NGF: variants seen among roughly 807,000 people sequenced by gnomAD.
NGF encodes nerve growth factor.
NGF carries 4 observed loss-of-function variants against 12.8 expected under a neutral mutation model. The observed-to-expected ratio is 0.31, with a 90% CI of 0.15 to 0.72. The LOEUF (loss-of-function observed/expected upper bound fraction) is 0.72. NGF is among the 30% of genes least tolerant of loss of function. The pLI is 0.69. For missense variants in NGF, 283 were observed against 330.8 expected (o/e 0.86, Z 1.12); for synonymous variants, 140 against 130.0 (o/e 1.08, Z -0.52).
At chr1:115,313,175 T>C (rs1654378686) in intron 1 of NGF, among the ~76,000 whole-genome samples, 1 of 152,242 alleles carries the variant, frequency 6.6e-6, no homozygotes, top group South Asian at 2.1e-4. Flanking sequence ...TGAATACTTT[T>C]GATGTTTCAC....
At chr1:115,288,572 G>A (rs1050866031) in intron 2 of NGF, among the ~76,000 whole-genome samples, 1 of 152,054 alleles carries the variant, frequency 6.6e-6, no homozygotes, top group African/African-American at 2.4e-5. Flanking sequence ...GATACTCGAG[G>A]GTGGAGCCGT....
chr1:115,336,804 A>G (rs1256990996), intron 1 of NGF, among the ~76,000 whole-genome samples: 1 of 152,168 alleles, frequency 6.6e-6, no homozygotes, highest in African/African-American at 2.4e-5. Flanking sequence ...AGGACCCTGG[A>G]GAGAAGTTAC....
chr1:115,312,859 A>G (rs1654370794), intron 1 of NGF, among the ~76,000 whole-genome samples: 2 of 152,232 alleles, frequency 1.3e-5, no homozygotes, highest in Admixed American at 1.3e-4. Flanking sequence ...TTGGATTAGA[A>G]ACAGCTTTCT....
At chr1:115,306,573 C>T (rs1277746658) in intron 1 of NGF, among the ~76,000 whole-genome samples, 1 of 152,124 alleles carries the variant, frequency 6.6e-6, no homozygotes, top group African/African-American at 2.4e-5. Flanking sequence ...GAGAAAGAAC[C>T]ATCTTCTGAT....
intron 1 of NGF, among the ~76,000 whole-genome samples, chr1:115,312,735 C>T (rs1654367026): frequency 6.6e-6 from 1 of 152,034 alleles, no homozygotes; most frequent in African/African-American, 2.4e-5. Context: ...AGGAAATAGA[C>T]CTTAATATTG....
chr1:115,291,411 C>T (rs567634595), intron 2 of NGF, among the ~76,000 whole-genome samples: 1 of 152,286 alleles, frequency 6.6e-6, no homozygotes, highest in African/African-American at 2.4e-5. Context: ...AGCCTTTCTC[C>T]TGAACAGATG....
At chr1:115,337,262 T>TTTTG (rs1655142469) in intron 1 of NGF, among the ~76,000 whole-genome samples, 2 of 79,294 alleles carry the variant, frequency 2.5e-5, no homozygotes, top group Non-Finnish European at 2.2e-5. Context: ...TTTTGTTTTG[T>TTTTG]TTTTGTTTTT....
intron 1 of NGF, among the ~76,000 whole-genome samples, chr1:115,299,368 A>G (rs927410039): frequency 6.6e-6 from 1 of 152,198 alleles, no homozygotes. Flanking sequence ...GTAGGTAGGA[A>G]GAAGTTGTTG....
At position 115,297,206 on chromosome 1, in the gene NGF, C is replaced by T. The variant is rs149679340; in HGVS notation, c.-136-3456G>A. On this transcript the variant is annotated intron_variant, in intron 1 of 2. Transcript: ENST00000369512. ...ACTGGGAATGAAACACAACAATCTG[C>T]GGTTTAACCAGCTCTGCAGGTGATT... Among the ~76,000 whole-genome samples the T allele has an allele frequency of 4.7e-3, 714 of 152,282 alleles. 2 individuals are homozygous for T. The highest frequency in any genetic ancestry group is 0.017 in the South Asian group (80 of 4,814).
chr1:115,328,171 A>C (rs1654824996), intron 1 of NGF, among the ~76,000 whole-genome samples: 1 of 144,768 alleles, frequency 6.9e-6, no homozygotes, highest in Non-Finnish European at 1.5e-5. Context: ...TACTAGGGAG[A>C]GAGTTGGAAT....
chr1:115,314,122 GT>G (rs373205734), intron 1 of NGF, among the ~76,000 whole-genome samples: 18 of 152,308 alleles, frequency 1.2e-4, no homozygotes, highest in African/African-American at 4.3e-4. Flanking sequence ...CTGTAGAAGT[GT>G]AGCAGAAATA....
chr1:115,337,200 G>C (rs4634908), intron 1 of NGF, among the ~76,000 whole-genome samples: 57,027 of 147,364 alleles, frequency 0.39, 12,375 homozygotes, highest in Non-Finnish European at 0.5. Flanking sequence ...CAAATCACAA[G>C]AGAAGAAAAA....
intron 1 of NGF, among the ~76,000 whole-genome samples, chr1:115,310,199 T>G (rs72992000): frequency 0.046 from 7,045 of 152,224 alleles, 529 homozygotes; most frequent in African/African-American, 0.16. Context: ...GGAAATCACA[T>G]GTATGTGGGA....
intron 2 of NGF, among the ~76,000 whole-genome samples, chr1:115,289,155 CT>C (rs1325692410): frequency 6.6e-6 from 1 of 152,166 alleles, no homozygotes; most frequent in African/African-American, 2.4e-5. Flanking sequence ...GTCCGGTCAA[CT>C]CTTAGCGGAC....
chr1:115,293,093 G>T (rs11466104), intron 2 of NGF, among the ~76,000 whole-genome samples: 1,667 of 152,172 alleles, frequency 0.011, 42 homozygotes, highest in African/African-American at 0.038. Flanking sequence ...ACACAAACCT[G>T]GGAGGTTGGC....
chr1:115,337,267 G>GTTTGTTTTTTTGTTT, intron 1 of NGF, among the ~76,000 whole-genome samples: 1 of 81,030 alleles, frequency 1.2e-5, no homozygotes, highest in Non-Finnish European at 2.3e-5. Context: ...TTTTGTTTTT[G>GTTTGTTTTTTTGTTT]TTTTTTTTTT....
At chr1:115,330,623 C>A (rs1654892286) in intron 1 of NGF, among the ~76,000 whole-genome samples, 1 of 152,132 alleles carries the variant, frequency 6.6e-6, no homozygotes. Flanking sequence ...GTTTCAGCAG[C>A]TAGGGGCAGT....
chr1:115,305,800 T>C (rs1179512094), intron 1 of NGF, among the ~76,000 whole-genome samples: 1 of 152,210 alleles, frequency 6.6e-6, no homozygotes, highest in African/African-American at 2.4e-5. Flanking sequence ...AGAATGTGGC[T>C]ATTCTATTTA....
intron 1 of NGF, among the ~76,000 whole-genome samples, chr1:115,321,110 A>G (rs1400727380): frequency 6.6e-6 from 1 of 152,194 alleles, no homozygotes; most frequent in African/African-American, 2.4e-5. Flanking sequence ...TGCAGTATGG[A>G]CCAGCACGTG....
Sources: gnomAD v4.1 joint callset for allele counts (sites outside exome capture counted in the v4.1 genomes callset) on GRCh38, gnomAD v4.1.1 for gene constraint, MANE v1.5 for transcripts, NCBI Gene and HGNC (gene_info 2026-07-23, HGNC 2026-07-21) for gene names.